The following TMEM108 variants were observed in gnomAD, a reference collection of about 807,000 sequenced individuals.
TMEM108 encodes the protein cancer/testis antigen 124.
In TMEM108, 12 loss-of-function variants were observed where a neutral mutation model predicts 35.1. That is an observed-to-expected ratio of 0.34 (90% CI 0.22 to 0.55). The LOEUF (loss-of-function observed/expected upper bound fraction) is 0.55, where lower values mean the gene tolerates loss of function less well. Among genes scored for constraint, TMEM108 ranks in the 20% least tolerant of loss-of-function variants. TMEM108 has a pLI of 0.89. For missense variants in TMEM108, 680 were observed against 753.3 expected, an observed-to-expected ratio of 0.90 and a Z score of 1.14; for synonymous variants, 287 against 308.6, an observed-to-expected ratio of 0.93 and a Z score of 0.73.
At chr3:133,290,482 A>G (rs1295651637) in intron 3 of TMEM108, among the ~76,000 whole-genome samples, 2 of 152,056 alleles carry the variant, frequency 1.3e-5, no homozygotes, top group African/African-American at 4.8e-5. Flanking sequence ...TTAGCTGGGC[A>G]TGGTGGTGCA....
intron 2 of TMEM108, among the ~76,000 whole-genome samples, chr3:133,175,601 A>C (rs1302056327): frequency 9.9e-5 from 15 of 152,148 alleles, no homozygotes; most frequent in African/African-American, 3.1e-4. Flanking sequence ...GAAATAAAAT[A>C]CTTTACAGAC....
intron 3 of TMEM108, among the ~76,000 whole-genome samples, chr3:133,324,634 G>C (rs897030981): frequency 2.6e-5 from 4 of 152,194 alleles, no homozygotes; most frequent in African/African-American, 9.7e-5. Flanking sequence ...ACTAAAAGTA[G>C]AGCTACCATT....
intron 4 of TMEM108, chr3:133,389,049 GA>G (rs749069791): frequency 4.1e-5 from 40 of 985,402 alleles, no homozygotes; most frequent in Admixed American, 6.2e-5. Context: ...TGGTGATGAT[GA>G]ACCTGGGGCA....
chr3:133,104,557 T>G (rs1944126662), intron 2 of TMEM108, among the ~76,000 whole-genome samples: 1 of 152,202 alleles, frequency 6.6e-6, no homozygotes. Context: ...GCAGGTGTTT[T>G]TCTGATATCC....
chr3:133,174,357 C>G (rs1945178058), intron 2 of TMEM108, among the ~76,000 whole-genome samples: 1 of 152,222 alleles, frequency 6.6e-6, no homozygotes, highest in African/African-American at 2.4e-5. Flanking sequence ...AGCTGGAGAT[C>G]TGAGAATGGG....
chr3:133,192,007 C>G (rs1156375261), intron 2 of TMEM108, among the ~76,000 whole-genome samples: 1 of 151,710 alleles, frequency 6.6e-6, no homozygotes, highest in South Asian at 2.1e-4. Flanking sequence ...AGATTAGTTT[C>G]CCAGCTCTGC....
intron 2 of TMEM108, among the ~76,000 whole-genome samples, chr3:133,144,849 G>A (rs1445570157): frequency 6.6e-6 from 1 of 152,092 alleles, no homozygotes. Flanking sequence ...TAAGTTCCTT[G>A]TAGATTCTGA....
intron 2 of TMEM108, among the ~76,000 whole-genome samples, chr3:133,200,143 C>T (rs968281607): frequency 2.0e-5 from 3 of 152,038 alleles, no homozygotes; most frequent in Admixed American, 1.3e-4. Context: ...AGGAGTGACC[C>T]GATTTTCCAG....
At chr3:133,214,273 A>T (rs1482817223) in intron 2 of TMEM108, among the ~76,000 whole-genome samples, 1 of 152,094 alleles carries the variant, frequency 6.6e-6, no homozygotes, top group Non-Finnish European at 1.5e-5. Context: ...AATAGGTTTG[A>T]TCTTGAGCAA....
intron 2 of TMEM108, among the ~76,000 whole-genome samples, chr3:133,068,578 G>A (rs1040963542): frequency 7.2e-5 from 11 of 152,150 alleles, no homozygotes; most frequent in Non-Finnish European, 1.5e-4. Context: ...GGTTCAAAAT[G>A]TGGATAGGAA....
chr3:133,271,705 G>A (rs2107682297), intron 3 of TMEM108, among the ~76,000 whole-genome samples: 1 of 152,218 alleles, frequency 6.6e-6, no homozygotes, highest in Admixed American at 6.5e-5. Flanking sequence ...GGAGTCAGAG[G>A]AGACAAAGCT....
At chr3:133,079,411 C>A (rs987716319) in intron 2 of TMEM108, among the ~76,000 whole-genome samples, 1 of 152,124 alleles carries the variant, frequency 6.6e-6, no homozygotes, top group African/African-American at 2.4e-5. Flanking sequence ...TTGTAAACAA[C>A]AGAAATGGAT....
chr3:133,130,223 A>G (rs929479424), intron 2 of TMEM108, among the ~76,000 whole-genome samples: 1 of 152,144 alleles, frequency 6.6e-6, no homozygotes, highest in Non-Finnish European at 1.5e-5. Flanking sequence ...TGACATTTGC[A>G]TTCAGTGTCC....
chr3:133,386,712 C>A (rs2073155996), intron 4 of TMEM108: 1 of 1,371,122 alleles, frequency 7.3e-7, no homozygotes, highest in African/African-American at 1.4e-5. Context: ...CAGTTAACAT[C>A]TTGTGTTTGC....
intron 3 of TMEM108, among the ~76,000 whole-genome samples, chr3:133,252,338 A>C (rs1946483483): frequency 6.6e-6 from 1 of 152,156 alleles, no homozygotes. Context: ...CACCATTCAC[A>C]TTCTAAGCTG....
intron 2 of TMEM108, among the ~76,000 whole-genome samples, chr3:133,197,614 C>A (rs1029430649): frequency 6.6e-6 from 1 of 152,174 alleles, no homozygotes; most frequent in African/African-American, 2.4e-5. Context: ...CCAACTAACT[C>A]CCATGGCATC....
At chr3:133,220,282 A>ATT (rs113884324) in intron 2 of TMEM108, among the ~76,000 whole-genome samples, 1 of 147,602 alleles carries the variant, frequency 6.8e-6, no homozygotes, top group African/African-American at 2.5e-5. Context: ...TCATCCAGTC[A>ATT]TTTTTTTTTT....
chr3:133,073,526 A>ATATATATATATATATT (rs1195384146), intron 2 of TMEM108, among the ~76,000 whole-genome samples: 182 of 116,604 alleles, frequency 1.6e-3, no homozygotes, highest in Non-Finnish European at 2.1e-3. Context: ...ATATATATAT[A>ATATATATATATATATT]TATATATATC....
intron 2 of TMEM108, among the ~76,000 whole-genome samples, chr3:133,194,585 T>C (rs1185789912): frequency 6.6e-6 from 1 of 152,102 alleles, no homozygotes; most frequent in Admixed American, 6.6e-5. Flanking sequence ...GTTTTTTTTT[T>C]TTTCTGATCA....
Sources: gnomAD v4.1 joint callset for allele counts (sites outside exome capture counted in the v4.1 genomes callset) on GRCh38, gnomAD v4.1.1 for gene constraint, MANE v1.5 for transcripts, NCBI Gene and HGNC (gene_info 2026-07-23, HGNC 2026-07-21) for gene names.